DIAPH2: variants seen among roughly 807,000 people sequenced by gnomAD.
The protein encoded by DIAPH2 is diaphanous related formin 2, also known as protein diaphanous homolog 2.
In DIAPH2, 35 loss-of-function variants were observed where a neutral mutation model predicts 92.7. That is an observed-to-expected ratio of 0.38 (90% confidence interval 0.29 to 0.50). The LOEUF is 0.50. Ranked by LOEUF, DIAPH2 falls within the 20% of genes least tolerant of loss-of-function variation. The probability of loss-of-function intolerance (pLI) is 0.94; values close to 1 mark genes in which losing one functional copy is unlikely to be tolerated. For missense variants in DIAPH2, 701 were observed against 819.5 expected (o/e 0.86, Z 1.77); for synonymous variants, 301 against 280.4 (o/e 1.07, Z -0.73).
chrX:97,288,390 G>A (rs1012287778), intron 23 of DIAPH2, among the ~76,000 whole-genome samples: 1 of 110,944 alleles, frequency 9.0e-6, no homozygotes, highest in African/African-American at 3.3e-5. Flanking sequence ...GAACTGTGGG[G>A]CCATGCTAAA....
intron 25 of DIAPH2, among the ~76,000 whole-genome samples, chrX:97,393,410 T>C (rs1175563852): frequency 8.9e-6 from 1 of 112,156 alleles, no homozygotes; most frequent in African/African-American, 3.2e-5. Context: ...AATCAACGTT[T>C]ATTGCACCAT....
chrX:97,362,471 C>A (rs1200095854), intron 24 of DIAPH2, among the ~76,000 whole-genome samples: 1 of 111,708 alleles, frequency 9.0e-6, no homozygotes, highest in Non-Finnish European at 1.9e-5. Context: ...AAAACATTAC[C>A]CATTTATTTT....
intron 26 of DIAPH2, among the ~76,000 whole-genome samples, chrX:97,530,822 A>T (rs772234544): frequency 8.9e-6 from 1 of 111,920 alleles, no homozygotes; most frequent in Non-Finnish European, 1.9e-5. Flanking sequence ...AATAATAAAG[A>T]GGTAGGAGGA....
rs765292508 is a variant in DIAPH2, at chrX:97,478,443, T to C, written c.3241+48698T>C. On this transcript the variant is annotated intron_variant, in intron 26 of 26. Transcript: ENST00000324765. ...TGAAGCTCTGTTTTCTAGTTGATGATGCTAAAATTTATGTTAATTCACATC... is the reference window on the plus strand; with the variant it reads ...TGAAGCTCTGTTTTCTAGTTGATGACGCTAAAATTTATGTTAATTCACATC... Among the ~76,000 whole-genome samples the C allele has an allele frequency of 3.6e-5, 4 of 112,213 alleles. No individual in the cohort carries two copies. In the South Asian group the frequency reaches 1.5e-3, roughly 41 times the overall value.
At chrX:97,153,662 T>C (rs1034719030) in intron 22 of DIAPH2, among the ~76,000 whole-genome samples, 3 of 112,052 alleles carry the variant, frequency 2.7e-5, no homozygotes, top group Non-Finnish European at 5.6e-5. Flanking sequence ...TGAAATGATG[T>C]ATGATTTTAT....
chrX:97,333,876 T>C (rs979718744), intron 23 of DIAPH2, among the ~76,000 whole-genome samples: 16 of 110,576 alleles, frequency 1.4e-4, no homozygotes, highest in African/African-American at 5.3e-4. Flanking sequence ...ATATTTCTTA[T>C]ATCTATCCCC....
At chrX:97,559,214 G>A (rs1044725693) in intron 26 of DIAPH2, among the ~76,000 whole-genome samples, 29 of 111,778 alleles carry the variant, frequency 2.6e-4, no homozygotes, top group African/African-American at 8.5e-4. Flanking sequence ...AGTCCGGGTC[G>A]GGCATGGTAG....
At chrX:96,779,114 T>C (rs1384475477) in intron 4 of DIAPH2, among the ~76,000 whole-genome samples, 1 of 112,326 alleles carries the variant, frequency 8.9e-6, no homozygotes, top group East Asian at 2.8e-4. Context: ...ATAGTGATTT[T>C]TCTAATTCAT....
At chrX:97,229,801 ATAATATATTGT>A (rs2067993871) in intron 22 of DIAPH2, among the ~76,000 whole-genome samples, 2 of 103,480 alleles carry the variant, frequency 1.9e-5, no homozygotes, top group East Asian at 5.9e-4. Context: ...ATAATAAGAT[ATAATATATTGT>A]TATTATATAT....
At chrX:97,554,101 G>A (rs1403510763) in intron 26 of DIAPH2, among the ~76,000 whole-genome samples, 1 of 111,566 alleles carries the variant, frequency 9.0e-6, no homozygotes, top group Non-Finnish European at 1.9e-5. Context: ...CTACAACAGT[G>A]TGTGTAGTTG....
intron 23 of DIAPH2, among the ~76,000 whole-genome samples, 184 bp downstream of exon 23, chrX:97,248,023 G>A (rs1179095327): frequency 9.0e-6 from 1 of 111,627 alleles, no homozygotes; most frequent in Non-Finnish European, 1.9e-5. Flanking sequence ...AGTAGGCAAG[G>A]GAACAATTAG....
chrX:97,383,813 T>C, intron 24 of DIAPH2, 96 bp from the exon 25 acceptor site: 1 of 769,436 alleles, frequency 1.3e-6, no homozygotes, highest in South Asian at 4.4e-5. Flanking sequence ...TTTGTTTATA[T>C]GTATAGGAAG....
intron 2 of DIAPH2, among the ~76,000 whole-genome samples, chrX:96,736,924 T>C (rs1428377864): frequency 1.8e-5 from 2 of 112,447 alleles, no homozygotes; most frequent in Non-Finnish European, 3.8e-5. Flanking sequence ...ACCATATTTT[T>C]AGTGAAATTT....
intron 24 of DIAPH2, among the ~76,000 whole-genome samples, chrX:97,376,763 G>A (rs1318392910): frequency 8.9e-6 from 1 of 111,738 alleles, no homozygotes; most frequent in Non-Finnish European, 1.9e-5. Context: ...GTATGAACAT[G>A]ACAGAGTGTA....
chrX:97,283,465 G>C (rs939942247), intron 23 of DIAPH2, among the ~76,000 whole-genome samples: 2 of 111,992 alleles, frequency 1.8e-5, no homozygotes, highest in African/African-American at 6.5e-5. Context: ...GAGAGAGAGA[G>C]AGAGGATGCT....
intron 23 of DIAPH2, among the ~76,000 whole-genome samples, chrX:97,289,815 C>T (rs2068575003): frequency 9.1e-6 from 1 of 109,425 alleles, no homozygotes; most frequent in South Asian, 4.0e-4. Flanking sequence ...ACCTCTGCCT[C>T]CTGGGTTCAA....
intron 23 of DIAPH2, among the ~76,000 whole-genome samples, chrX:97,301,655 TAA>T (rs1022877407): frequency 1.6e-4 from 18 of 111,444 alleles, no homozygotes. Flanking sequence ...AATGATGAAT[TAA>T]AAGAGAAGGA....
intron 17 of DIAPH2, among the ~76,000 whole-genome samples, chrX:97,014,542 T>A (rs2066248061): frequency 8.9e-6 from 1 of 112,153 alleles, no homozygotes; most frequent in Non-Finnish European, 1.9e-5. Context: ...GGCATCCACC[T>A]TTACAACACC....
chrX:97,092,008 GC>G (rs59836571), intron 19 of DIAPH2, among the ~76,000 whole-genome samples: 25,090 of 110,334 alleles, frequency 0.23, 2,481 homozygotes, highest in Admixed American at 0.34. Context: ...CTCTAGGCGG[GC>G]TTTGTTTTTT....
Sources: gnomAD v4.1 joint callset for allele counts (sites outside exome capture counted in the v4.1 genomes callset) on GRCh38, gnomAD v4.1.1 for gene constraint, MANE v1.5 for transcripts, NCBI Gene and HGNC (gene_info 2026-07-23, HGNC 2026-07-21) for gene names.